Variants in SEMA3F observed in about 807,000 individuals in gnomAD.
SEMA3F encodes the protein semaphorin 3F, also known as semaphorin-3F.
SEMA3F carries 30 observed loss-of-function variants against 98.5 expected under a neutral mutation model. The observed-to-expected ratio is 0.30, with a 90% CI of 0.23 to 0.41. The LOEUF is 0.41. Ranked by LOEUF, SEMA3F falls within the 10% of genes least tolerant of loss-of-function variation. The probability of loss-of-function intolerance (pLI) is 1.00; values close to 1 mark genes in which losing one functional copy is unlikely to be tolerated. For synonymous variants in SEMA3F, 380 were observed against 444.8 expected (o/e 0.85, Z 1.83); for missense variants, 866 against 1,119.3 (o/e 0.77, Z 3.23).
chr3:50,182,939 G>A lies in SEMA3F; in HGVS notation c.939G>A (p.Lys313=). The change falls in exon 10 of 19, where the codon AAG becomes AAA. Residue 313 remains lysine (K), a synonymous_variant. Transcript: ENST00000002829. This position sits in a 1 kb window ranked among gnomAD's most constrained non-coding sequence, Gnocchi z 4.5. ...DDGGHCCLVN[K]WSTFLKARLV... ...GTGGTCACTGTTGCCTGGTCAACAA[G>A]TGGAGCACATTCCTGAAGGCGCGGC... The A allele has an allele frequency of 2.5e-6, 4 of 1,614,098 alleles. No individual in the cohort carries two copies. Among genetic ancestry groups the A allele is most frequent in the Non-Finnish European group, 3.4e-6 (4 of 1,180,032 alleles).
At position 50,156,230 on chromosome 3, in the gene SEMA3F, C is replaced by T. The variant is rs1697975393; in HGVS notation, c.-49+666C>T. 6.6e-6 allele frequency: 1 copy of T among 152,444 alleles called. No homozygotes were observed. The highest frequency in any genetic ancestry group is 6.5e-5 in the Admixed American group (1 of 15,284). 9.4% of individuals were successfully genotyped at this position (152,444 alleles called of 1,614,324 possible). On this transcript the variant is annotated intron_variant, in intron 1 of 18. Coordinates refer to ENST00000002829, the MANE Select transcript of SEMA3F (RefSeq NM_004186.5). This position sits in a 1 kb window ranked among gnomAD's most constrained non-coding sequence, Gnocchi z 4.5. ...CCTGCGGTCAATCCCTAGTTTGAACCAGGGGTCCCAGTGGTGAAGTGGGCA... is the reference window on the plus strand; with the variant it reads ...CCTGCGGTCAATCCCTAGTTTGAACTAGGGGTCCCAGTGGTGAAGTGGGCA...
chr3:50,172,025 C>T (rs538259671), intron 2 of SEMA3F, among the ~76,000 whole-genome samples: 63 of 152,306 alleles, frequency 4.1e-4, no homozygotes, highest in African/African-American at 1.5e-3. Flanking sequence ...AACCCCCTGA[C>T]CCCAGCCCAC....
intron 16 of SEMA3F, 28 bp from the exon 17 acceptor site, chr3:50,186,253 C>T (rs772657666): frequency 2.5e-6 from 4 of 1,608,512 alleles, no homozygotes; most frequent in Non-Finnish European, 3.4e-6. Context: ...TTCCTGGGAG[C>T]ACTCCTTCAG....
At chr3:50,163,383 GC>G (rs1329668968) in intron 2 of SEMA3F, among the ~76,000 whole-genome samples, 4 of 152,372 alleles carry the variant, frequency 2.6e-5, no homozygotes, top group Non-Finnish European at 5.9e-5. Context: ...GAACATCAGG[GC>G]CTAAGAGAGG....
intron 5 of SEMA3F, 58 bp downstream of exon 5, chr3:50,174,408 C>A (rs1698729966): frequency 6.4e-7 from 1 of 1,557,970 alleles, no homozygotes; most frequent in African/African-American, 1.4e-5. Flanking sequence ...ATCCCAGGGT[C>A]CTGATGGGAG....
At chr3:50,185,747 C>G (rs2109123572) in intron 15 of SEMA3F, 40 bp downstream of exon 15, 4 of 1,612,254 alleles carry the variant, frequency 2.5e-6, no homozygotes, top group Non-Finnish European at 3.4e-6. Context: ...GGGGACAGGG[C>G]CTGCATCCCC....
chr3:50,160,978 C>A (rs990342590), intron 2 of SEMA3F, among the ~76,000 whole-genome samples: 1 of 152,152 alleles, frequency 6.6e-6, no homozygotes, highest in Non-Finnish European at 1.5e-5. Context: ...CTGGAAAGCA[C>A]CCCCCTTCCC....
rs1699052670 is a variant in SEMA3F, at chr3:50,182,543, G to T, written c.764-101G>T. 6.4e-7 allele frequency: 1 copy of T among 1,573,190 alleles called. No individual in the cohort carries two copies. Among genetic ancestry groups the T allele is most frequent in the Admixed American group, 1.7e-5 (1 of 58,776 alleles). On this transcript the variant is annotated intron_variant, in intron 8 of 18. Coordinates refer to ENST00000002829, the MANE Select transcript of SEMA3F (RefSeq NM_004186.5). The surrounding 1 kb of genome is among the most constrained non-coding windows in gnomAD (Gnocchi z 4.5). ...GCAGGGGTAGTTTCTTATCTGGAGA[G>T]GAGTTGGGGGTGTTCTTGCACCTGG...
intron 2 of SEMA3F, 91 bp from the exon 3 acceptor site, chr3:50,173,702 A>T: frequency 9.2e-7 from 1 of 1,090,596 alleles, no homozygotes; most frequent in Non-Finnish European, 1.4e-6. Flanking sequence ...CCTGAGGGGA[A>T]CCTCAGGGCC....
Position 50,186,316 on chromosome 3 carries a change from C to A in SEMA3F, c.1781C>A (p.Pro594His). The A allele has an allele frequency of 1.2e-6, 2 of 1,613,922 alleles. No homozygotes were observed. Among genetic ancestry groups the A allele is most frequent in the Non-Finnish European group, 1.7e-6 (2 of 1,179,990 alleles). Reference protein sequence around the residue: ...SRRQDVRHGNPIRQCRGFNSN... With the variant: ...SRRQDVRHGNHIRQCRGFNSN... ...CGGCAGGACGTCCGGCACGGAAACC[C>A]CATCAGGCAGTGCCGTGGGTTCAAC... is the stretch of plus-strand genomic sequence containing the variant. Residue 594 changes from proline to histidine, a missense_variant, in exon 17 of 19, where the codon CCC (proline) becomes CAC (histidine). This residue lies in a region of SEMA3F where 374 missense variants were observed against 582.8 expected (regional missense o/e 0.64). Coordinates refer to ENST00000002829, the MANE Select transcript of SEMA3F (RefSeq NM_004186.5).
chr3:50,169,300 C>T (rs927592899), intron 2 of SEMA3F, among the ~76,000 whole-genome samples: 4 of 152,138 alleles, frequency 2.6e-5, no homozygotes, highest in African/African-American at 7.2e-5. Context: ...TATGAGGGAC[C>T]GGGGGCCCCC....
chr3:50,187,117 T>C (rs200027043), intron 18 of SEMA3F, among the ~76,000 whole-genome samples: 1 of 152,156 alleles, frequency 6.6e-6, no homozygotes, highest in East Asian at 1.9e-4. Context: ...GTTATCCCAA[T>C]TGGATATTCT....
chr3:50,184,293 A>C, intron 12 of SEMA3F: 30 of 441,400 alleles, frequency 6.8e-5, no homozygotes, highest in East Asian at 1.4e-4. Context: ...CCAGAGAGGA[A>C]GGAGATGACA....
At chr3:50,186,116 C>A in intron 16 of SEMA3F, 70 bp downstream of exon 16, 1 of 1,509,158 alleles carries the variant, frequency 6.6e-7, no homozygotes, top group Non-Finnish European at 9.1e-7. Context: ...ATTGGGGGTG[C>A]ATGTGATATT....
chr3:50,186,885 G>A, intron 18 of SEMA3F, 139 bp downstream of exon 18: 1 of 938,210 alleles, frequency 1.1e-6, no homozygotes, highest in Non-Finnish European at 1.5e-6. Context: ...AATCCTTTGA[G>A]TGAAAACAGT....
chr3:50,176,671 C>A, intron 6 of SEMA3F, 97 bp from the exon 7 acceptor site: 1 of 872,704 alleles, frequency 1.1e-6, no homozygotes, highest in Non-Finnish European at 1.9e-6. Flanking sequence ...TCGGGGTATG[C>A]CTGGGGGCTC....
intron 2 of SEMA3F, among the ~76,000 whole-genome samples, chr3:50,160,727 G>T (rs1263747235): frequency 6.6e-6 from 1 of 152,228 alleles, no homozygotes; most frequent in Non-Finnish European, 1.5e-5. Flanking sequence ...GGGGTGAAAG[G>T]CTGGGGTGAC....
rs1018867058 is a variant in SEMA3F, at chr3:50,183,083, G to A, written c.1018+65G>A. On this transcript the variant is annotated intron_variant, in intron 10 of 18. Coordinates refer to ENST00000002829, the MANE Select transcript of SEMA3F (RefSeq NM_004186.5). ...CAAGAGGGATAGAGGCGGGATGGGC[G>A]ATCAGGGTGCCTTTGGTGGGCCCCC... The A allele has an allele frequency of 2.5e-5, 40 of 1,570,684 alleles. No homozygotes were observed. In the East Asian group the frequency reaches 2.7e-4, roughly 11 times the overall value.
intron 2 of SEMA3F, chr3:50,173,407 G>T: frequency 4.9e-6 from 1 of 204,850 alleles, no homozygotes; most frequent in South Asian, 8.1e-5. Context: ...GGGAGGCGAA[G>T]GTTGCAGTGA....
Sources: allele counts gnomAD v4.1 joint callset (sites outside exome capture counted in the v4.1 genomes callset), GRCh38; gene constraint gnomAD v4.1.1; regional missense constraint gnomAD v4.1.1; non-coding constraint Gnocchi (gnomAD v3.1); transcripts MANE v1.5; gene names NCBI Gene and HGNC (gene_info 2026-07-23, HGNC 2026-07-21).